NCALD: variants seen among roughly 807,000 people sequenced by gnomAD.
NCALD encodes neurocalcin delta.
A neutral mutation model predicts 18.6 loss-of-function variants in NCALD; 10 were observed. That is an observed-to-expected ratio of 0.54 (90% CI 0.33 to 0.91). The LOEUF (loss-of-function observed/expected upper bound fraction) is 0.91. NCALD is among the 40% of genes least tolerant of loss of function. The pLI, the probability that NCALD is intolerant of heterozygous loss-of-function variation, is 0.03. For missense variants in NCALD, 184 were observed against 247.6 expected, an observed-to-expected ratio of 0.74 and a Z score of 1.72; for synonymous variants, 88 against 87.4, an observed-to-expected ratio of 1.01 and a Z score of -0.04.
At chr8:101,796,937 C>T (rs111289809) in intron 4 of NCALD, among the ~76,000 whole-genome samples, 2,134 of 152,272 alleles carry the variant, frequency 0.014, 49 homozygotes, top group Admixed American at 0.055. Flanking sequence ...TTGCCTCCTT[C>T]GGAAAGGCTT....
At chr8:101,916,693 A>C (rs1257936278) in intron 2 of NCALD, among the ~76,000 whole-genome samples, 3 of 152,164 alleles carry the variant, frequency 2.0e-5, no homozygotes, top group Non-Finnish European at 4.4e-5. Context: ...CAAAAAAAGC[A>C]GGAGTTGCTG....
At chr8:101,991,109 G>A (rs1774137748) in intron 2 of NCALD, among the ~76,000 whole-genome samples, 1 of 152,172 alleles carries the variant, frequency 6.6e-6, no homozygotes, top group South Asian at 2.1e-4. Flanking sequence ...GGCATACTTT[G>A]TTAGGGTGTA....
chr8:101,953,526 A>G (rs2387333), intron 2 of NCALD, among the ~76,000 whole-genome samples: 39,952 of 152,200 alleles, frequency 0.26, 7,292 homozygotes, highest in African/African-American at 0.52. Context: ...AAGATCCAAG[A>G]AAATCTCCCT....
At chr8:102,033,748 G>T (rs1359792791) in intron 1 of NCALD, among the ~76,000 whole-genome samples, 2 of 152,100 alleles carry the variant, frequency 1.3e-5, no homozygotes, top group South Asian at 2.1e-4. Flanking sequence ...ATTCTCTGGG[G>T]TGCCTTATTA....
chr8:101,711,472 C>T lies in NCALD; in HGVS notation c.378+7780G>A, dbSNP rs368111006. Reference sequence around the variant, plus strand: ...GAAGGTGGGTAATAACAAACTCTTCCGAGCTAAAGGAGCATGTTCTAACCC... The same window carrying T: ...GAAGGTGGGTAATAACAAACTCTTCTGAGCTAAAGGAGCATGTTCTAACCC... On this transcript the variant is annotated intron_variant, in intron 2 of 3. Transcript: ENST00000220931. 2.1e-4 allele frequency among the ~76,000 whole-genome samples: 32 copies of T among 151,828 alleles called. No homozygotes were observed. In the East Asian group the frequency reaches 3.3e-3, roughly 16 times the overall value.
At chr8:101,798,987 G>A (rs1812741256) in intron 4 of NCALD, among the ~76,000 whole-genome samples, 1 of 152,124 alleles carries the variant, frequency 6.6e-6, no homozygotes, top group Non-Finnish European at 1.5e-5. Context: ...ATATAGACAA[G>A]GACCTGTTAA....
At chr8:101,943,407 T>G (rs1819033235) in intron 2 of NCALD, among the ~76,000 whole-genome samples, 1 of 152,182 alleles carries the variant, frequency 6.6e-6, no homozygotes, top group Admixed American at 6.5e-5. Flanking sequence ...AAGGCATTAT[T>G]CCCCGTTCCT....
Position 101,723,766 on chromosome 8 carries a change from T to G in NCALD, c.-19-4118A>C, listed in dbSNP as rs993753370. On this transcript the variant is annotated intron_variant, in intron 1 of 3. Coordinates refer to ENST00000220931, the MANE Select transcript of NCALD (RefSeq NM_032041.3). ...TTCAGATAAGCCCACAAATTCATAC[T>G]ATCTTATAAACAGCAGTAACATTAA... Among the ~76,000 whole-genome samples, 3 of 152,324 alleles carry G rather than the reference T, an allele frequency of 2.0e-5. No individual in the cohort carries two copies. The East Asian group carries it at 5.8e-4, about 29-fold the overall frequency.
chr8:101,862,910 A>C (rs1815604000), intron 4 of NCALD, among the ~76,000 whole-genome samples: 2 of 152,188 alleles, frequency 1.3e-5, no homozygotes, highest in Admixed American at 6.5e-5. Context: ...TCTGCTACAA[A>C]CTTTTACATA....
At chr8:102,063,647 G>C (rs896501434) in intron 1 of NCALD, among the ~76,000 whole-genome samples, 1 of 152,144 alleles carries the variant, frequency 6.6e-6, no homozygotes, top group Non-Finnish European at 1.5e-5. Flanking sequence ...TGCTCTAAAA[G>C]CTCAAAACTA....
chr8:101,716,449 T>C (rs1485628698), intron 2 of NCALD, among the ~76,000 whole-genome samples: 1 of 152,022 alleles, frequency 6.6e-6, no homozygotes, highest in Non-Finnish European at 1.5e-5. Context: ...GCACATGTAT[T>C]TCAGAACTTC....
rs560045879 is a variant in NCALD, at chr8:101,849,989, C to T, written c.-20+37152G>A. Among the ~76,000 whole-genome samples the T allele has an allele frequency of 1.2e-4, 19 of 152,340 alleles. No homozygotes were observed. The South Asian group carries it at 3.3e-3, about 27-fold the overall frequency. Reference sequence around the variant, plus strand: ...TCCCCCACTCCCCAGACTGACTATTCATTCAAGGTACTTTCCACATCTGAT... The same window carrying T: ...TCCCCCACTCCCCAGACTGACTATTTATTCAAGGTACTTTCCACATCTGAT... On this transcript the variant is annotated intron_variant, in intron 4 of 6. Transcript: ENST00000311028.
chr8:101,912,811 G>T (rs1032406376), intron 3 of NCALD, among the ~76,000 whole-genome samples: 2 of 152,192 alleles, frequency 1.3e-5, no homozygotes, highest in African/African-American at 4.8e-5. Flanking sequence ...TTCAGCAAAC[G>T]AAATATGGCA....
intron 3 of NCALD, among the ~76,000 whole-genome samples, chr8:101,912,277 G>GA (rs1040119923): frequency 9.3e-5 from 14 of 150,026 alleles, no homozygotes; most frequent in Non-Finnish European, 1.6e-4. Flanking sequence ...CCTGAAAAAT[G>GA]AAAAAAAAAT....
chr8:101,856,395 A>G (rs1200620497), intron 4 of NCALD, among the ~76,000 whole-genome samples: 1 of 151,334 alleles, frequency 6.6e-6, no homozygotes, highest in Non-Finnish European at 1.5e-5. Flanking sequence ...CTGGCCTTGA[A>G]CTCTTGGCCT....
At chr8:101,870,899 C>CA (rs1237600218) in intron 4 of NCALD, among the ~76,000 whole-genome samples, 5 of 59,256 alleles carry the variant, frequency 8.4e-5, no homozygotes, top group African/African-American at 3.6e-4. Context: ...CCGCCCCCAC[C>CA]CCCCCCCCCC....
intron 1 of NCALD, among the ~76,000 whole-genome samples, chr8:102,054,414 G>A (rs1823558460): frequency 6.6e-6 from 1 of 152,016 alleles, no homozygotes; most frequent in South Asian, 2.1e-4. Context: ...GTATATTCAG[G>A]TAAGAAACTT....
intron 1 of NCALD, among the ~76,000 whole-genome samples, chr8:102,078,252 C>G (rs558160233): frequency 6.6e-6 from 1 of 152,100 alleles, no homozygotes; most frequent in African/African-American, 2.4e-5. Flanking sequence ...AGCCCCTTCT[C>G]GCCAGCTCCA....
intron 4 of NCALD, among the ~76,000 whole-genome samples, chr8:101,815,726 A>G (rs1813471448): frequency 6.6e-6 from 1 of 152,178 alleles, no homozygotes; most frequent in Non-Finnish European, 1.5e-5. Context: ...ACTTTGGAAG[A>G]CAGTTTGACA....
Sources: gnomAD v4.1 joint callset for allele counts (sites outside exome capture counted in the v4.1 genomes callset) on GRCh38, gnomAD v4.1.1 for gene constraint, MANE v1.5 for transcripts, NCBI Gene and HGNC (gene_info 2026-07-23, HGNC 2026-07-21) for gene names.